ERC1: variants seen among roughly 807,000 people sequenced by gnomAD.
ERC1 encodes the protein RAB6 interacting protein 2.
In ERC1, 56 loss-of-function variants were observed where a neutral mutation model predicts 132.0. The observed-to-expected ratio is 0.42, with a 90% CI of 0.34 to 0.53. The LOEUF is 0.53. Among genes scored for constraint, ERC1 ranks in the 20% least tolerant of loss-of-function variants. The pLI is 0.03. For synonymous variants in ERC1, 478 were observed against 476.1 expected (o/e 1.00, Z -0.05); for missense variants, 1,202 against 1,349.9 (o/e 0.89, Z 1.72).
chr12:1,214,525 A>G (rs1437162799), intron 12 of ERC1, among the ~76,000 whole-genome samples: 1 of 151,678 alleles, frequency 6.6e-6, no homozygotes, highest in African/African-American at 2.4e-5. Context: ...CCTTCCCTCC[A>G]CTCCCCGCCT....
intron 16 of ERC1, among the ~76,000 whole-genome samples, chr12:1,376,333 C>G (rs1442273358): frequency 6.6e-6 from 1 of 152,176 alleles, no homozygotes. Context: ...TGGCTGAAGT[C>G]CTCAACATTA....
intron 16 of ERC1, among the ~76,000 whole-genome samples, chr12:1,389,349 C>T (rs2089730258): frequency 6.6e-6 from 1 of 152,128 alleles, no homozygotes; most frequent in Non-Finnish European, 1.5e-5. Context: ...TACTTAAACC[C>T]ATGAAAATGG....
intron 11 of ERC1, among the ~76,000 whole-genome samples, chr12:1,189,204 A>T (rs548319447): frequency 6.6e-6 from 1 of 152,304 alleles, no homozygotes; most frequent in East Asian, 1.9e-4. Context: ...CAAGCCACTG[A>T]GCCCATCCTT....
At chr12:1,249,134 C>T (rs893250217) in intron 13 of ERC1, among the ~76,000 whole-genome samples, 1 of 152,122 alleles carries the variant, frequency 6.6e-6, no homozygotes, top group African/African-American at 2.4e-5. Flanking sequence ...TCAAGCAGTC[C>T]TTCTGCCTTA....
intron 4 of ERC1, among the ~76,000 whole-genome samples, chr12:1,106,934 A>G (rs953714074): frequency 6.6e-6 from 1 of 152,226 alleles, no homozygotes; most frequent in Non-Finnish European, 1.5e-5. Context: ...TGAAATCACA[A>G]CAGAAATAGC....
rs2093255083 is a variant in ERC1 at position 1,444,717 on chromosome 12, G to C, written c.3180G>C (p.Trp1060Cys). The change falls in exon 18 of 19, where the codon TGG becomes TGC. Residue 1060 changes from tryptophan to cysteine, a missense_variant. Physicochemically the swap from Trp to Cys is radical, Grantham distance 215 (BLOSUM62 -2). Transcript: ENST00000360905. ...ACTTGGACGATGACCAGGCGGCTTG[G>C]GAGAATGAGCTGCAGAAGATGACCC... ...SYNLDDDQAAWENELQKMTRG... is the reference protein window; with the variant it reads ...SYNLDDDQAACENELQKMTRG... 1 of 1,613,930 alleles carries C rather than the reference G, an allele frequency of 6.2e-7. No individual in the cohort carries two copies. The highest frequency in any genetic ancestry group is 1.1e-5 in the South Asian group (1 of 91,060).
In ERC1 at chr12:1,444,668, G is replaced by T; in HGVS notation, c.3131G>T (p.Gly1044Val). ...CHDRDPLILR[G>V]LTPPASYNLD... ...GACCGAGACCCCCTGATCCTCCGTG[G>T]ACTCACTCCACCAGCTTCCTATAAC... is the stretch of plus-strand genomic sequence containing the variant. Residue 1044 changes from glycine to valine, a missense_variant, in exon 18 of 19, where the codon GGA (glycine) becomes GTA (valine). Coordinates refer to ENST00000360905, the MANE Select transcript of ERC1 (RefSeq NM_178040.4). The T allele has an allele frequency of 1.2e-6, 2 of 1,614,136 alleles. No individual in the cohort carries two copies. Among genetic ancestry groups the T allele is most frequent in the Non-Finnish European group, 1.7e-6 (2 of 1,180,016 alleles).
Position 1,141,719 on chromosome 12 carries a change from G to A in ERC1, c.1669G>A (p.Gly557Arg). The change falls in exon 8 of 19, where the codon GGA (glycine) becomes AGA (arginine). Residue 557 changes from glycine (G) to arginine (R), a missense_variant. Coordinates refer to ENST00000360905, the MANE Select transcript of ERC1 (RefSeq NM_178040.4). Reference sequence around the variant, plus strand: ...GGCTGAAGAGAAGGGGACACAAGCTGGAGAGATACATGACCTCAAGGACAT... The same window carrying A: ...GGCTGAAGAGAAGGGGACACAAGCTAGAGAGATACATGACCTCAAGGACAT... ...DMAEEKGTQA[G>R]EIHDLKDMLD... 4 of 1,613,312 alleles carry A rather than the reference G, an allele frequency of 2.5e-6. No individual in the cohort carries two copies. Among genetic ancestry groups the A allele is most frequent in the South Asian group, 1.1e-5 (1 of 90,926 alleles).
chr12:1,476,522 T>TA (rs1256040182), intron 18 of ERC1, among the ~76,000 whole-genome samples: 3 of 152,194 alleles, frequency 2.0e-5, no homozygotes, highest in South Asian at 4.1e-4. Flanking sequence ...TAAATATATA[T>TA]TTTTTAATGT....
intron 12 of ERC1, among the ~76,000 whole-genome samples, chr12:1,209,403 A>ATT (rs11361651): frequency 0.028 from 4,033 of 141,790 alleles, 194 homozygotes; most frequent in African/African-American, 0.099. Context: ...TCTTCATAGC[A>ATT]TTTTTTTTTT....
At position 1,493,887 on chromosome 12, in the gene ERC1, C is replaced by T; in HGVS notation, c.*3657C>T. ...TTAGCCACCTGCTGAACTAATCCCTCCGCTATTGAGGGTCAGGGTTGTGAG... is the reference window on the plus strand; with the variant it reads ...TTAGCCACCTGCTGAACTAATCCCTTCGCTATTGAGGGTCAGGGTTGTGAG... On this transcript the variant is annotated 3_prime_UTR_variant, in exon 19 of 19. Transcript: ENST00000360905. The T allele has an allele frequency of 4.3e-6, 1 of 229,948 alleles. No individual in the cohort carries two copies. The highest frequency in any genetic ancestry group is 8.6e-6 in the Non-Finnish European group (1 of 116,110). The allele number at this position is 229,948 out of a possible 1,614,324, so 14.2% of individuals were successfully genotyped here.
Position 1,104,727 on chromosome 12 carries a change from CTCTT to C in ERC1, c.1087-19_1087-16del. 10 of 1,575,338 alleles carry C rather than the reference CTCTT, an allele frequency of 6.3e-6. No individual in the cohort carries two copies. Among genetic ancestry groups the C allele is most frequent in the Non-Finnish European group, 8.7e-6 (10 of 1,144,732 alleles). ...GAGGGTGAACAGGAGAGCACTGAAT[CTCTT>C]TCTGCCTCTTTTCTACAGGAGATGC... is the stretch of plus-strand genomic sequence containing the variant. On this transcript the variant is annotated intron_variant, in intron 3 of 18. Transcript: ENST00000360905.
intron 2 of ERC1, among the ~76,000 whole-genome samples, chr12:1,056,440 C>T (rs1409927176): frequency 6.6e-6 from 1 of 151,732 alleles, no homozygotes; most frequent in East Asian, 1.9e-4. Flanking sequence ...AGAGATGGGT[C>T]CTGGAGAGGC....
At chr12:1,418,597 T>TTC (rs757725897) in intron 17 of ERC1, among the ~76,000 whole-genome samples, 6 of 21,824 alleles carry the variant, frequency 2.7e-4, no homozygotes, top group South Asian at 3.8e-3. Flanking sequence ...TTCTCTTTCT[T>TTC]TCTTTCTTTC....
chr12:1,047,843 C>A (rs1407783454), intron 2 of ERC1, among the ~76,000 whole-genome samples: 1 of 151,826 alleles, frequency 6.6e-6, no homozygotes, highest in Non-Finnish European at 1.5e-5. Context: ...AGGACTGACA[C>A]TTTAGTAAGA....
intron 17 of ERC1, among the ~76,000 whole-genome samples, chr12:1,428,459 C>G (rs563346664): frequency 2.0e-5 from 3 of 152,180 alleles, no homozygotes; most frequent in Non-Finnish European, 4.4e-5. Context: ...GTGTCCCAGG[C>G]TGATCTTAGC....
intron 12 of ERC1, among the ~76,000 whole-genome samples, chr12:1,211,954 C>A (rs1017857373): frequency 3.3e-5 from 5 of 151,864 alleles, no homozygotes. Flanking sequence ...TAAATATAAA[C>A]CATAGTAGCT....
intron 12 of ERC1, 36 bp from the exon 13 acceptor site, chr12:1,236,733 A>G: frequency 6.2e-7 from 1 of 1,600,596 alleles, no homozygotes; most frequent in Non-Finnish European, 8.5e-7. Flanking sequence ...CTATACATAC[A>G]TATGCAAAGC....
In ERC1 at chr12:1,418,944, G is replaced by A. The variant is rs536799573; in HGVS notation, c.3024+10697G>A. 1.3e-4 allele frequency among the ~76,000 whole-genome samples: 20 copies of A among 151,946 alleles called. No individual in the cohort carries two copies. The East Asian group carries it at 3.7e-3, about 28-fold the overall frequency. On this transcript the variant is annotated intron_variant, in intron 17 of 18. Transcript: ENST00000360905. ...GCCCAGGCTGGTCTCAAACTCCTGGGTTCAAGCAATCCTCCCACCTACGCC... is the reference window on the plus strand; with the variant it reads ...GCCCAGGCTGGTCTCAAACTCCTGGATTCAAGCAATCCTCCCACCTACGCC...
Sources: allele counts gnomAD v4.1 joint callset (sites outside exome capture counted in the v4.1 genomes callset), GRCh38; gene constraint gnomAD v4.1.1; transcripts MANE v1.5; gene names NCBI Gene and HGNC (gene_info 2026-07-23, HGNC 2026-07-21).